Variants in CAMKK2 observed in about 807,000 individuals in gnomAD.
CAMKK2 encodes the protein calcium/calmodulin dependent protein kinase kinase 2.
A neutral mutation model predicts 67.2 loss-of-function variants in CAMKK2; 30 were observed. That is an observed-to-expected ratio of 0.45 (90% CI 0.33 to 0.61). The LOEUF is 0.61. Ranked by LOEUF, CAMKK2 falls within the 20% of genes least tolerant of loss-of-function variation. The probability of loss-of-function intolerance (pLI) is 0.02; values close to 1 mark genes in which losing one functional copy is unlikely to be tolerated. For missense variants in CAMKK2, 643 were observed against 802.0 expected, an observed-to-expected ratio of 0.80 and a Z score of 2.39; for synonymous variants, 322 against 326.2, an observed-to-expected ratio of 0.99 and a Z score of 0.14.
At chr12:121,252,608 T>C in intron 11 of CAMKK2, 53 bp downstream of exon 11, 1 of 1,551,198 alleles carries the variant, frequency 6.4e-7, no homozygotes, top group South Asian at 1.1e-5. Flanking sequence ...GGGTGACTAT[T>C]AACCCAGGGG....
At chr12:121,273,830 A>T (rs1896235790) in intron 2 of CAMKK2, among the ~76,000 whole-genome samples, 1 of 152,070 alleles carries the variant, frequency 6.6e-6, no homozygotes, top group African/African-American at 2.4e-5. Context: ...AATCGGCTCC[A>T]TGACCCACCC....
chr12:121,259,098 TC>T (rs1177353486), intron 7 of CAMKK2, among the ~76,000 whole-genome samples: 1 of 152,050 alleles, frequency 6.6e-6, no homozygotes, highest in African/African-American at 2.4e-5. Context: ...CCGCTCGGAC[TC>T]CCAAAGCGCT....
At position 121,274,311 on chromosome 12, in the gene CAMKK2, C is replaced by T. The variant is rs200902558; in HGVS notation, c.216G>A (p.Arg72=). 6.2e-7 allele frequency: 1 copy of T among 1,613,136 alleles called. No homozygotes were observed. The highest frequency in any genetic ancestry group is 8.5e-7 in the Non-Finnish European group (1 of 1,179,782). The change falls in exon 2 of 17, where the codon CGG becomes CGA. Residue 72 remains arginine, a synonymous_variant. Transcript: ENST00000404169. ...CAVDLGLARD[R]PLEADGQEVP... Reference sequence around the variant, plus strand: ...CCTCTTGGCCATCGGCCTCCAGGGGCCGGTCCCGCGCCAAGCCGAGGTCCA... The same window carrying T: ...CCTCTTGGCCATCGGCCTCCAGGGGTCGGTCCCGCGCCAAGCCGAGGTCCA...
At position 121,269,535 on chromosome 12, in the gene CAMKK2, G is replaced by A. The variant is rs1593404609; in HGVS notation, c.566C>T (p.Thr189Ile). ...VKLAYNENDN[T>I]YYAMKVLSKK... ...GAGAATGCGGATACTCACATAGTAGGTATTGTCATTTTCATTGTAGGCCAA... is the reference window on the plus strand; with the variant it reads ...GAGAATGCGGATACTCACATAGTAGATATTGTCATTTTCATTGTAGGCCAA... Residue 189 changes from threonine (T) to isoleucine (I), a missense_variant, in exon 4 of 17, where the codon ACC (threonine) becomes ATC (isoleucine). By Grantham distance (89) the Thr-to-Ile change is moderately conservative. Around this residue, in one of 3 missense-constraint regions of CAMKK2, gnomAD observed 483 missense variants for 625.8 expected, o/e 0.77. Coordinates refer to ENST00000404169, the MANE Select transcript of CAMKK2 (RefSeq NM_001270485.2). The A allele has an allele frequency of 1.2e-6, 2 of 1,604,540 alleles. No individual in the cohort carries two copies. The highest frequency in any genetic ancestry group is 8.5e-7 in the Non-Finnish European group (1 of 1,174,194).
Position 121,240,805 on chromosome 12 carries a change from G to A in CAMKK2, c.1661C>T (p.Ala554Val). Residue 554 changes from alanine (A) to valine (V), a missense_variant, in exon 17 of 17, where the codon GCT (alanine) becomes GTT (valine). Transcript: ENST00000404169. The surrounding 1 kb of genome is among the most constrained non-coding windows in gnomAD (Gnocchi z 4.4). ...CACGCAGGGACTGCCTCTCACAAGA[G>A]CACTTCCTCCTCCCCCACGGGGGGC... ...RPAPRGGGGS[A>V]LVRGSPCVES... The A allele has an allele frequency of 1.2e-6, 2 of 1,611,784 alleles. No individual in the cohort carries two copies. Among genetic ancestry groups the A allele is most frequent in the Non-Finnish European group, 1.7e-6 (2 of 1,179,668 alleles).
At chr12:121,258,705 A>T (rs1166031016) in intron 7 of CAMKK2, among the ~76,000 whole-genome samples, 2 of 152,278 alleles carry the variant, frequency 1.3e-5, no homozygotes, top group East Asian at 1.9e-4. Context: ...GAGTTGTGAA[A>T]AACTATCCCT....
chr12:121,297,424 C>T (rs1901493068), upstream of CAMKK2: 1 of 363,320 alleles, frequency 2.8e-6, no homozygotes, highest in Non-Finnish European at 5.6e-6. Context: ...CCTCTCCCAT[C>T]CCCAGCCCAC....
chr12:121,283,580 C>T (rs991451428), intron 1 of CAMKK2, among the ~76,000 whole-genome samples: 1 of 152,020 alleles, frequency 6.6e-6, no homozygotes, highest in African/African-American at 2.4e-5. Context: ...TCTGGGAGAC[C>T]GAGGTGGGAG....
rs1593548543 is a variant in CAMKK2 at position 121,296,425 on chromosome 12, G to A, written c.-60+213C>T. Among the ~76,000 whole-genome samples, 1 of 152,190 alleles carries A rather than the reference G, an allele frequency of 6.6e-6. No homozygotes were observed. Among genetic ancestry groups the A allele is most frequent in the East Asian group, 1.9e-4 (1 of 5,176 alleles). ...CCGAGGCCCAGGGCGCCCAGAGGAC[G>A]CGGGGGAAGGGCTGTCGGGGACCGT... On this transcript the variant is annotated intron_variant, in intron 1 of 16. Coordinates refer to ENST00000404169, the MANE Select transcript of CAMKK2 (RefSeq NM_001270485.2). This position sits in a 1 kb window ranked among gnomAD's most constrained non-coding sequence, Gnocchi z 7.1.
intron 9 of CAMKK2, among the ~76,000 whole-genome samples, chr12:121,254,779 C>G (rs562823500): frequency 1.2e-3 from 178 of 152,294 alleles, no homozygotes; most frequent in African/African-American, 4.1e-3. Context: ...CATAGGGTGG[C>G]TCTCTGCAGC....
At chr12:121,254,678 C>A (rs1891489005) in intron 9 of CAMKK2, among the ~76,000 whole-genome samples, 1 of 152,142 alleles carries the variant, frequency 6.6e-6, no homozygotes, top group Non-Finnish European at 1.5e-5. Context: ...GTGCCTGGTG[C>A]ACATAGAAAG....
intron 1 of CAMKK2, among the ~76,000 whole-genome samples, chr12:121,287,133 T>C (rs940212230): frequency 6.6e-6 from 1 of 152,156 alleles, no homozygotes; most frequent in Non-Finnish European, 1.5e-5. Context: ...CTCAAACTCC[T>C]GGGCTCAAGT....
At position 121,285,947 on chromosome 12, in the gene CAMKK2, G is replaced by A. The variant is rs1477766206; in HGVS notation, c.-60+10691C>T. Among the ~76,000 whole-genome samples the A allele has an allele frequency of 2.6e-5, 4 of 152,178 alleles. No homozygotes were observed. The highest frequency in any genetic ancestry group is 5.9e-5 in the Non-Finnish European group (4 of 68,038). ...GGATATATTCCTAAAGCTACCAGGG[G>A]CTGGAGAGAACCCTGCCTCAGAATG... is the stretch of plus-strand genomic sequence containing the variant. On this transcript the variant is annotated intron_variant, in intron 1 of 16. Transcript: ENST00000404169. This position sits in a 1 kb window ranked among gnomAD's most constrained non-coding sequence, Gnocchi z 4.1.
At chr12:121,263,705 G>C in intron 6 of CAMKK2, 101 bp downstream of exon 6, 1 of 1,092,300 alleles carries the variant, frequency 9.2e-7, no homozygotes, top group Non-Finnish European at 1.3e-6. Context: ...TGCAGTGAGC[G>C]GTCTGGTGTG....
At chr12:121,281,533 A>G (rs907515963) in intron 1 of CAMKK2, among the ~76,000 whole-genome samples, 4 of 152,256 alleles carry the variant, frequency 2.6e-5, no homozygotes, top group African/African-American at 9.6e-5. Flanking sequence ...TCATTCATTC[A>G]TTCATTTGTT....
chr12:121,281,671 G>A (rs1248480056), intron 1 of CAMKK2, among the ~76,000 whole-genome samples: 2 of 152,252 alleles, frequency 1.3e-5, no homozygotes, highest in Admixed American at 6.5e-5. Context: ...CACAAGGCCG[G>A]GTGCGGTGGC....
In CAMKK2 at chr12:121,245,066, G is replaced by T; in HGVS notation, c.1553+74C>A. 9.9e-7 allele frequency: 1 copy of T among 1,006,364 alleles called. No homozygotes were observed. The highest frequency in any genetic ancestry group is 1.5e-6 in the Non-Finnish European group (1 of 653,200). The allele number at this position is 1,006,364 out of a possible 1,614,324, so 62.3% of individuals were successfully genotyped here. A position where few individuals can be genotyped will look rare whatever the true frequency, so the allele number is the denominator to read the frequency against. ...ACTTCAGGGAGGACCTGTGCAGAGT[G>T]GTCTGGGCAGGGCTGCCCCAAGCCT... On this transcript the variant is annotated intron_variant, in intron 15 of 16. Transcript: ENST00000404169. The surrounding 1 kb of genome is among the most constrained non-coding windows in gnomAD (Gnocchi z 5.8).
chr12:121,271,951 C>G (rs866281863), intron 2 of CAMKK2, among the ~76,000 whole-genome samples: 1 of 152,174 alleles, frequency 6.6e-6, no homozygotes, highest in East Asian at 1.9e-4. Context: ...CTCAGGTTAT[C>G]CTCCCGCCTT....
At chr12:121,269,502 G>T (rs749454930) in intron 4 of CAMKK2, 26 bp downstream of exon 4, 8 of 1,569,486 alleles carry the variant, frequency 5.1e-6, no homozygotes, top group Non-Finnish European at 6.1e-6. Context: ...AAGGATGGGG[G>T]CAGGGAGGAG....
Sources: gnomAD v4.1 joint callset for allele counts (sites outside exome capture counted in the v4.1 genomes callset) on GRCh38, gnomAD v4.1.1 for gene constraint, gnomAD v4.1.1 regional missense constraint, Gnocchi (gnomAD v3.1) non-coding constraint, MANE v1.5 for transcripts, NCBI Gene and HGNC (gene_info 2026-07-23, HGNC 2026-07-21) for gene names.